The following ZNF729 variants were observed in gnomAD, a reference collection of about 807,000 sequenced individuals.
ZNF729 encodes the protein zinc finger protein 729.
Under a neutral mutation model 12.2 loss-of-function variants are expected in ZNF729, and 15 were observed. The ratio of observed to expected loss-of-function variants is 1.23; its 90% CI spans 0.82 to 1.89. The LOEUF (loss-of-function observed/expected upper bound fraction) is 1.89, where lower values mean the gene tolerates loss of function less well. Among genes scored for constraint, ZNF729 ranks in the 40% most tolerant of loss-of-function variants. ZNF729 has a pLI of 0.00. For missense variants in ZNF729, 1,540 were observed against 1,456.7 expected, an observed-to-expected ratio of 1.06 and a Z score of -0.93; for synonymous variants, 492 against 476.3, an observed-to-expected ratio of 1.03 and a Z score of -0.43.
In ZNF729 at chr19:22,286,580, C is replaced by G. The variant is rs757100205; in HGVS notation, c.30+25C>G. On this transcript the variant is annotated intron_variant, in intron 1 of 3. Transcript: ENST00000601693. Reference sequence around the variant, plus strand: ...GGTGAGAGTGCCGGGTCCGACATCCCGAGAAGGGGAAGGGGCTGATTGGAA... The same window carrying G: ...GGTGAGAGTGCCGGGTCCGACATCCGGAGAAGGGGAAGGGGCTGATTGGAA... 3.1e-6 allele frequency: 5 copies of G among 1,613,798 alleles called. No homozygotes were observed. The African/African-American group carries it at 5.3e-5, about 17-fold the overall frequency.
Position 22,312,635 on chromosome 19 carries a change from G to A in ZNF729, c.254-1036G>A, listed in dbSNP as rs190866124. 1.0e-3 allele frequency among the ~76,000 whole-genome samples: 155 copies of A among 152,184 alleles called. 2 individuals are homozygous for A. In the South Asian group the frequency reaches 0.016, roughly 15 times the overall value. ...TTAAAGTATGCCACCATTTCTTTCA[G>A]CACTTTATGTCATCAGAGACAAAAA... On this transcript the variant is annotated intron_variant, in intron 3 of 3. Coordinates refer to ENST00000601693, the MANE Select transcript of ZNF729 (RefSeq NM_001242680.2).
chr19:22,298,147 C>T (rs113901689), intron 1 of ZNF729, among the ~76,000 whole-genome samples: 2,413 of 151,832 alleles, frequency 0.016, 77 homozygotes, highest in African/African-American at 0.055. Context: ...AGCATAGTTA[C>T]GTGTAGTGTT....
Position 22,314,254 on chromosome 19 carries a change from TACTG to T in ZNF729, c.840_843del (p.Asp281IlefsTer31), listed in dbSNP as rs1968489866. 5 of 1,609,100 alleles carry T rather than the reference TACTG, an allele frequency of 3.1e-6. No individual in the cohort carries two copies. The African/African-American group carries it at 4.0e-5, about 13-fold the overall frequency. On this transcript the variant is annotated frameshift_variant, in exon 4 of 4. Transcript: ENST00000601693. LOFTEE classifies it low-confidence loss of function (END_TRUNC). ...AAGCTTTTAACCAGTCCTCAAATCTTACTGACCATAAGAGAATTCATACTGGAGA... is the reference window on the plus strand; with the variant it reads ...AAGCTTTTAACCAGTCCTCAAATCTTACCATAAGAGAATTCATACTGGAGA...
intron 1 of ZNF729, among the ~76,000 whole-genome samples, chr19:22,303,008 C>G (rs932253365): frequency 1.3e-5 from 2 of 152,180 alleles, no homozygotes; most frequent in Admixed American, 1.3e-4. Flanking sequence ...CTCCTGACCT[C>G]AGATGATCCA....
Position 22,314,131 on chromosome 19 carries a change from T to TG in ZNF729, c.714_715insG (p.Lys239GlufsTer8). On this transcript the variant is annotated frameshift_variant, in exon 4 of 4. Coordinates refer to ENST00000601693, the MANE Select transcript of ZNF729 (RefSeq NM_001242680.2). LOFTEE classifies it low-confidence loss of function (END_TRUNC). ...ATACTGAAGACAAACCTTACAAATA[T>TG]AAGAAATGTGGCAATGCCTTTAAAT... is the stretch of plus-strand genomic sequence containing the variant. 6.4e-7 allele frequency: 1 copy of TG among 1,553,842 alleles called. No homozygotes were observed. Among genetic ancestry groups the TG allele is most frequent in the Non-Finnish European group, 8.7e-7 (1 of 1,150,370 alleles).
intron 1 of ZNF729, among the ~76,000 whole-genome samples, chr19:22,294,220 T>C (rs778349289): frequency 1.3e-4 from 20 of 152,256 alleles, no homozygotes; most frequent in Non-Finnish European, 2.6e-4. Flanking sequence ...ATTTATTAAA[T>C]AGGGAATTCT....
intron 1 of ZNF729, among the ~76,000 whole-genome samples, chr19:22,297,821 T>C (rs992766861): frequency 6.6e-6 from 1 of 151,716 alleles, no homozygotes; most frequent in African/African-American, 2.4e-5. Flanking sequence ...CTGACCAACA[T>C]GGAGAAACTC....
At chr19:22,299,803 G>C (rs923075104) in intron 1 of ZNF729, 38 of 152,170 alleles carry the variant, frequency 2.5e-4, no homozygotes, top group African/African-American at 8.4e-4. Flanking sequence ...TAATGTAAAG[G>C]TGCAGTTCTC....
At chr19:22,295,806 G>A (rs955329189) in intron 1 of ZNF729, among the ~76,000 whole-genome samples, 1 of 152,164 alleles carries the variant, frequency 6.6e-6, no homozygotes, top group African/African-American at 2.4e-5. Context: ...TACTTTGAAT[G>A]CCTAGTTTGT....
chr19:22,302,474 T>TA (rs1156736396), intron 1 of ZNF729, among the ~76,000 whole-genome samples: 3 of 152,302 alleles, frequency 2.0e-5, no homozygotes, highest in African/African-American at 7.2e-5. Flanking sequence ...CTATTTATTT[T>TA]ACCTTGGTAG....
intron 1 of ZNF729, among the ~76,000 whole-genome samples, chr19:22,301,286 G>GT (rs573907520): frequency 1.1e-3 from 160 of 152,328 alleles, no homozygotes; most frequent in Non-Finnish European, 1.9e-3. Context: ...TCAAGTGTAT[G>GT]TTGCGGGCAA....
intron 1 of ZNF729, among the ~76,000 whole-genome samples, chr19:22,295,237 A>G (rs769762345): frequency 1.3e-5 from 2 of 151,210 alleles, no homozygotes; most frequent in African/African-American, 4.9e-5. Context: ...GGTTTTCTAG[A>G]TACAGAATTA....
At chr19:22,307,750 A>C (rs550181926) in intron 3 of ZNF729, among the ~76,000 whole-genome samples, 1 of 150,796 alleles carries the variant, frequency 6.6e-6, no homozygotes, top group African/African-American at 2.4e-5. Context: ...TCAAAAAAAA[A>C]AAAAAGCATA....
intron 1 of ZNF729, among the ~76,000 whole-genome samples, chr19:22,295,313 CTT>C (rs148467004): frequency 0.041 from 6,138 of 150,692 alleles, 157 homozygotes; most frequent in African/African-American, 0.07. Flanking sequence ...CATTTTATCT[CTT>C]GTCTGATTGC....
chr19:22,311,628 G>A (rs1047527229), intron 3 of ZNF729, among the ~76,000 whole-genome samples: 1 of 152,100 alleles, frequency 6.6e-6, no homozygotes, highest in African/African-American at 2.4e-5. Context: ...TCTATTTGGA[G>A]AAAGTTTCAT....
chr19:22,310,742 T>C (rs1247200843), intron 3 of ZNF729, among the ~76,000 whole-genome samples: 2 of 152,204 alleles, frequency 1.3e-5, no homozygotes, highest in Non-Finnish European at 2.9e-5. Context: ...CCTCTTTCTC[T>C]GTCTTGTGGA....
rs78807780 is a variant in ZNF729 at position 22,286,457 on chromosome 19, C to T, written c.-69C>T. ...GTTGCAGCCGCAGTTCCCGGTCTCG[C>T]CTTCACTGCTGTGTGTCCTCAGCCT... On this transcript the variant is annotated 5_prime_UTR_variant, in exon 1 of 4. Transcript: ENST00000601693. 7,478 of 1,599,372 alleles carry T rather than the reference C, an allele frequency of 4.7e-3. 283 individuals carry two copies. In the African/African-American group the frequency reaches 0.088, roughly 19 times the overall value.
Position 22,313,682 on chromosome 19 carries a change from C to T in ZNF729, c.265C>T (p.His89Tyr). The change falls in exon 4 of 4, where the codon CAT becomes TAT. Residue 89 changes from histidine (H) to tyrosine (Y), a missense_variant. Transcript: ENST00000601693. The part of the protein sequence containing the change: ...MVTKPPVMRS[H>Y]FTQDLWPDQS... ...TTTATTTCTTCTAGTTATGCGTTCTCATTTTACACAAGACCTTTGGCCAGA... is the reference window on the plus strand; with the variant it reads ...TTTATTTCTTCTAGTTATGCGTTCTTATTTTACACAAGACCTTTGGCCAGA... 6.7e-7 allele frequency: 1 copy of T among 1,489,132 alleles called. No individual in the cohort carries two copies. The highest frequency in any genetic ancestry group is 8.9e-7 in the Non-Finnish European group (1 of 1,126,030). 92.2% of individuals were successfully genotyped at this position (1,489,132 alleles called of 1,614,324 possible).
At chr19:22,304,941 TTC>T (rs1277123674) in intron 3 of ZNF729, among the ~76,000 whole-genome samples, 158 bp downstream of exon 3, 7 of 152,208 alleles carry the variant, frequency 4.6e-5, no homozygotes, top group African/African-American at 1.4e-4. Flanking sequence ...TAGAGGCATC[TTC>T]TGTCTTATGC....
Sources: gnomAD v4.1 joint callset for allele counts (sites outside exome capture counted in the v4.1 genomes callset) on GRCh38, gnomAD v4.1.1 for gene constraint, MANE v1.5 for transcripts, NCBI Gene and HGNC (gene_info 2026-07-23, HGNC 2026-07-21) for gene names.